SKAP1: variants seen among roughly 807,000 people sequenced by gnomAD.
SKAP1 encodes src kinase associated phosphoprotein 1.
SKAP1 carries 44 observed loss-of-function variants against 58.5 expected under a neutral mutation model. The observed-to-expected ratio is 0.75, with a 90% CI of 0.59 to 0.97. The LOEUF is 0.97. Among genes scored for constraint, SKAP1 ranks in the 50% least tolerant of loss-of-function variants. SKAP1 has a pLI of 0.00. For missense variants in SKAP1, 390 were observed against 435.2 expected, an observed-to-expected ratio of 0.90 and a Z score of 0.92; for synonymous variants, 127 against 149.7, an observed-to-expected ratio of 0.85 and a Z score of 1.11.
chr17:48,234,262 G>C (rs2065156630), intron 4 of SKAP1, among the ~76,000 whole-genome samples: 1 of 152,092 alleles, frequency 6.6e-6, no homozygotes, highest in African/African-American at 2.4e-5. Context: ...CTTAAATATA[G>C]GTTTCTTAAA....
intron 11 of SKAP1, among the ~76,000 whole-genome samples, chr17:48,145,870 C>T (rs560484189): frequency 6.6e-6 from 1 of 152,138 alleles, no homozygotes; most frequent in East Asian, 1.9e-4. Context: ...CTAGGCTGTT[C>T]CAACAAAAGG....
rs1249296558 is a variant in SKAP1, at chr17:48,133,713, A to G, written c.*111T>C. The G allele has an allele frequency of 6.6e-6, 1 of 152,588 alleles. No homozygotes were observed. The allele number at this position is 152,588 out of a possible 1,614,324, so 9.5% of individuals were successfully genotyped here. A position where few individuals can be genotyped will look rare whatever the true frequency, so the allele number is the denominator to read the frequency against. On this transcript the variant is annotated 3_prime_UTR_variant, in exon 13 of 13. Transcript: ENST00000336915. ...GTCAAGAGACTTGGGTCTCTTCAGCAAAGAGAGGAGTCCAAGGCGTTGGTG... is the reference window on the plus strand; with the variant it reads ...GTCAAGAGACTTGGGTCTCTTCAGCGAAGAGAGGAGTCCAAGGCGTTGGTG...
intron 2 of SKAP1, among the ~76,000 whole-genome samples, chr17:48,365,281 G>T (rs1399541929): frequency 6.6e-6 from 1 of 151,964 alleles, no homozygotes; most frequent in Non-Finnish European, 1.5e-5. Context: ...AAATAGCAGT[G>T]GTGGAAAGGA....
chr17:48,338,519 C>G (rs577756263), intron 4 of SKAP1, among the ~76,000 whole-genome samples: 1 of 152,282 alleles, frequency 6.6e-6, no homozygotes, highest in African/African-American at 2.4e-5. Context: ...ATTGCCAACT[C>G]TCTTCCAGCT....
chr17:48,425,177 G>A (rs374684490), intron 1 of SKAP1, among the ~76,000 whole-genome samples: 2 of 152,146 alleles, frequency 1.3e-5, no homozygotes, highest in Non-Finnish European at 2.9e-5. Flanking sequence ...AGAATTGCTC[G>A]AACCTGGGAG....
At chr17:48,217,064 AT>A (rs1223566523) in intron 4 of SKAP1, among the ~76,000 whole-genome samples, 1 of 151,996 alleles carries the variant, frequency 6.6e-6, no homozygotes, top group Non-Finnish European at 1.5e-5. Flanking sequence ...CACATATTTT[AT>A]TTTTTTACCT....
chr17:48,396,559 T>C (rs2144531394), intron 2 of SKAP1, 121 bp downstream of exon 2: 1 of 571,028 alleles, frequency 1.8e-6, no homozygotes, highest in East Asian at 2.9e-5. Flanking sequence ...TAAATATTTA[T>C]TAAGTTTCTG....
At chr17:48,389,715 G>A (rs1046127504) in intron 2 of SKAP1, among the ~76,000 whole-genome samples, 3 of 152,120 alleles carry the variant, frequency 2.0e-5, no homozygotes, top group African/African-American at 7.2e-5. Context: ...ACTAGAGGAG[G>A]CTACACACTA....
Position 48,359,953 on chromosome 17 carries a change from C to T in SKAP1, c.178+3836G>A, listed in dbSNP as rs145237478. On this transcript the variant is annotated intron_variant, in intron 3 of 12. Coordinates refer to ENST00000336915, the MANE Select transcript of SKAP1 (RefSeq NM_003726.4). ...CGATTTACTTTGACGTGAATATAGG[C>T]TTGCCATTTCAAAATGAGATTTTTA... Among the ~76,000 whole-genome samples, 196 of 152,302 alleles carry T rather than the reference C, an allele frequency of 1.3e-3. 1 individual carries two copies. The highest frequency in any genetic ancestry group is 4.4e-3 in the African/African-American group (182 of 41,542).
At chr17:48,284,312 A>G (rs376534171) in intron 4 of SKAP1, among the ~76,000 whole-genome samples, 1 of 152,274 alleles carries the variant, frequency 6.6e-6, no homozygotes, top group African/African-American at 2.4e-5. Flanking sequence ...TTCTATATCA[A>G]ATAAAAACTT....
intron 4 of SKAP1, among the ~76,000 whole-genome samples, chr17:48,326,659 T>C (rs1398784564): frequency 6.6e-6 from 1 of 152,216 alleles, no homozygotes; most frequent in Non-Finnish European, 1.5e-5. Context: ...CCTAGGTTGA[T>C]TGTGGATCAG....
chr17:48,430,008 T>C, intron 1 of SKAP1, 67 bp downstream of exon 1: 1 of 1,211,848 alleles, frequency 8.3e-7, no homozygotes, highest in South Asian at 4.0e-5. Context: ...AGCCTGGCCG[T>C]GGGAGGCCTG....
At chr17:48,329,435 T>C (rs1026464430) in intron 4 of SKAP1, among the ~76,000 whole-genome samples, 3 of 152,218 alleles carry the variant, frequency 2.0e-5, no homozygotes, top group Non-Finnish European at 2.9e-5. Context: ...CTGGGCGCGG[T>C]GGCTCACGCC....
intron 4 of SKAP1, among the ~76,000 whole-genome samples, chr17:48,250,792 A>T (rs1252015164): frequency 6.6e-6 from 1 of 152,158 alleles, no homozygotes; most frequent in African/African-American, 2.4e-5. Context: ...AGATATATAG[A>T]GGAGTAAAAA....
At chr17:48,350,822 T>A (rs1384004448) in intron 3 of SKAP1, among the ~76,000 whole-genome samples, 1 of 152,244 alleles carries the variant, frequency 6.6e-6, no homozygotes, top group Non-Finnish European at 1.5e-5. Flanking sequence ...TGAAAAATTT[T>A]AAATTATTGT....
At chr17:48,321,465 T>C (rs960651342) in intron 4 of SKAP1, among the ~76,000 whole-genome samples, 2 of 151,272 alleles carry the variant, frequency 1.3e-5, no homozygotes, top group Non-Finnish European at 2.9e-5. Context: ...GCAAGCTCCG[T>C]CTTCCGGGTT....
intron 2 of SKAP1, among the ~76,000 whole-genome samples, chr17:48,394,362 G>A (rs2067388967): frequency 6.7e-6 from 1 of 150,298 alleles, no homozygotes; most frequent in African/African-American, 2.5e-5. Flanking sequence ...TTTTTTTTGA[G>A]ACAGAGTCTC....
At chr17:48,241,541 A>G (rs1165763966) in intron 4 of SKAP1, among the ~76,000 whole-genome samples, 1 of 152,190 alleles carries the variant, frequency 6.6e-6, no homozygotes, top group South Asian at 2.1e-4. Flanking sequence ...TTTGTGCCTC[A>G]GCTGACACAA....
intron 10 of SKAP1, among the ~76,000 whole-genome samples, chr17:48,166,049 C>T (rs2064135090): frequency 2.6e-5 from 4 of 152,158 alleles, no homozygotes; most frequent in Admixed American, 2.6e-4. Flanking sequence ...ATAAAACAGA[C>T]AGAGGACCTA....
Sources: gnomAD v4.1 joint callset for allele counts (sites outside exome capture counted in the v4.1 genomes callset) on GRCh38, gnomAD v4.1.1 for gene constraint, MANE v1.5 for transcripts, NCBI Gene and HGNC (gene_info 2026-07-23, HGNC 2026-07-21) for gene names.